Variants in BABAM2 observed in about 807,000 individuals in gnomAD.
BABAM2 encodes BRISC and BRCA1-A complex member 2.
Under a neutral mutation model 54.7 loss-of-function variants are expected in BABAM2, and 31 were observed. That is an observed-to-expected ratio of 0.57 (90% CI 0.43 to 0.77). BABAM2 has a LOEUF of 0.77. Among genes scored for constraint, BABAM2 ranks in the 30% least tolerant of loss-of-function variants. The pLI, the probability that BABAM2 is intolerant of heterozygous loss-of-function variation, is 0.00. For synonymous variants in BABAM2, 167 were observed against 162.9 expected (o/e 1.03, Z -0.19); for missense variants, 364 against 455.8 (o/e 0.80, Z 1.83).
chr2:28,169,202 C>T (rs1365748184), intron 7 of BABAM2, among the ~76,000 whole-genome samples: 1 of 152,088 alleles, frequency 6.6e-6, no homozygotes, highest in East Asian at 1.9e-4. Flanking sequence ...CTGAAACATA[C>T]TACTTTAATT....
chr2:28,324,564 A>G (rs556281830), intron 11 of BABAM2, among the ~76,000 whole-genome samples: 9 of 151,320 alleles, frequency 5.9e-5, no homozygotes, highest in Non-Finnish European at 8.9e-5. Context: ...ACTTGAGCTC[A>G]GGAGTTTGAG....
At chr2:28,114,914 G>A (rs1668478231) in intron 6 of BABAM2, among the ~76,000 whole-genome samples, 1 of 152,088 alleles carries the variant, frequency 6.6e-6, no homozygotes, top group African/African-American at 2.4e-5. Context: ...GTCTACTAAG[G>A]AAGTCTGCTT....
At chr2:28,118,538 A>G (rs1465878099) in intron 6 of BABAM2, among the ~76,000 whole-genome samples, 3 of 152,100 alleles carry the variant, frequency 2.0e-5, no homozygotes, top group African/African-American at 7.2e-5. Flanking sequence ...GTGTCTGTTC[A>G]TATCCTTTGC....
intron 6 of BABAM2, among the ~76,000 whole-genome samples, chr2:28,094,214 T>A (rs1376140869): frequency 6.6e-6 from 1 of 152,212 alleles, no homozygotes; most frequent in Non-Finnish European, 1.5e-5. Flanking sequence ...TTTAAATTCA[T>A]TATTAACATC....
At chr2:28,274,529 G>A (rs947664589) in intron 10 of BABAM2, among the ~76,000 whole-genome samples, 1 of 152,082 alleles carries the variant, frequency 6.6e-6, no homozygotes, top group African/African-American at 2.4e-5. Flanking sequence ...CTAGACTCAG[G>A]CAATCCTCCC....
chr2:27,924,873 C>T (rs1667575473), intron 2 of BABAM2, among the ~76,000 whole-genome samples: 1 of 152,116 alleles, frequency 6.6e-6, no homozygotes, highest in Admixed American at 6.5e-5. Flanking sequence ...CCTATTTATC[C>T]TAGATAATAT....
chr2:28,278,915 G>GA (rs1485984618), intron 10 of BABAM2, among the ~76,000 whole-genome samples: 1 of 152,222 alleles, frequency 6.6e-6, no homozygotes, highest in African/African-American at 2.4e-5. Context: ...TGTAGAAAAA[G>GA]AAACACTCAT....
At chr2:28,040,543 G>A (rs943087414) in intron 5 of BABAM2, among the ~76,000 whole-genome samples, 3 of 151,602 alleles carry the variant, frequency 2.0e-5, no homozygotes, top group South Asian at 4.2e-4. Context: ...CTCGTGATCC[G>A]CCCGCCTCGG....
At chr2:28,071,361 G>A (rs1046178769) in intron 6 of BABAM2, among the ~76,000 whole-genome samples, 17 of 152,192 alleles carry the variant, frequency 1.1e-4, no homozygotes, top group African/African-American at 3.6e-4. Context: ...AGATTTTGCT[G>A]ATTGCAGGCT....
intron 6 of BABAM2, among the ~76,000 whole-genome samples, chr2:28,127,224 A>G (rs1669630019): frequency 6.6e-6 from 1 of 152,196 alleles, no homozygotes; most frequent in Non-Finnish European, 1.5e-5. Flanking sequence ...TTTTTAAAAA[A>G]GAAAGAAAAC....
intron 7 of BABAM2, among the ~76,000 whole-genome samples, chr2:28,196,389 T>C (rs534571567): frequency 1.3e-5 from 2 of 152,082 alleles, no homozygotes; most frequent in Non-Finnish European, 2.9e-5. Context: ...TGTGTGTATA[T>C]GATTTGGTTA....
At chr2:28,327,151 C>CGGATCATTAAAAA in intron 11 of BABAM2, 1 of 1,027,394 alleles carries the variant, frequency 9.7e-7, no homozygotes, top group Non-Finnish European at 1.4e-6. Flanking sequence ...TGATGAACGC[C>CGGATCATTAAAAA]AGAGAAAGAA....
At chr2:27,997,395 A>G (rs1673238761) in intron 4 of BABAM2, among the ~76,000 whole-genome samples, 1 of 152,192 alleles carries the variant, frequency 6.6e-6, no homozygotes, top group Non-Finnish European at 1.5e-5. Flanking sequence ...TGTCTGTTTC[A>G]TCAGCCAGGG....
At position 28,131,079 on chromosome 2, in the gene BABAM2, A is replaced by ATTT. The variant is rs34627329; in HGVS notation, c.680+1717_680+1719dup. Among the ~76,000 whole-genome samples the ATTT allele has an allele frequency of 8.4e-4, 5 of 5,942 alleles. 2 individuals carry two copies. The highest frequency in any genetic ancestry group is 2.0e-3 in the African/African-American group (4 of 1,978). The allele number at this position is 5,942 out of a possible 152,430, so 3.9% of individuals were successfully genotyped here. On this transcript the variant is annotated intron_variant, in intron 7 of 11. Coordinates refer to ENST00000379624, the MANE Select transcript of BABAM2 (RefSeq NM_199191.3). ...TATTATTATTATTATTATTATTATT[A>ATTT]TTTTTTTTTTTTTTTTTTTTGAGAC...
At chr2:28,069,859 G>T (rs912066081) in intron 6 of BABAM2, among the ~76,000 whole-genome samples, 2 of 152,152 alleles carry the variant, frequency 1.3e-5, no homozygotes, top group Admixed American at 1.3e-4. Flanking sequence ...TTGTTACTGT[G>T]ATTGTTATAA....
chr2:28,048,988 C>T (rs1053868495), intron 6 of BABAM2, among the ~76,000 whole-genome samples: 2 of 152,104 alleles, frequency 1.3e-5, no homozygotes, highest in African/African-American at 4.8e-5. Flanking sequence ...TTTGTTTTTG[C>T]TTCTGTTTTC....
chr2:28,151,632 T>C (rs950935102), intron 7 of BABAM2, among the ~76,000 whole-genome samples: 4 of 151,668 alleles, frequency 2.6e-5, no homozygotes, highest in Non-Finnish European at 5.9e-5. Flanking sequence ...TACAGTGAAG[T>C]TTTTCTACAG....
chr2:28,014,386 A>G (rs1293456245), intron 4 of BABAM2, among the ~76,000 whole-genome samples: 1 of 152,200 alleles, frequency 6.6e-6, no homozygotes, highest in Non-Finnish European at 1.5e-5. Context: ...TTCTGGCTCC[A>G]CCAGAAGCCC....
At chr2:28,016,562 A>T in intron 4 of BABAM2, 1 of 585,528 alleles carries the variant, frequency 1.7e-6, no homozygotes, top group Non-Finnish European at 3.1e-6. Flanking sequence ...CCGCAGGTGC[A>T]TTTCTTTCTA....
Sources: gnomAD v4.1 joint callset for allele counts (sites outside exome capture counted in the v4.1 genomes callset) on GRCh38, gnomAD v4.1.1 for gene constraint, MANE v1.5 for transcripts, NCBI Gene and HGNC (gene_info 2026-07-23, HGNC 2026-07-21) for gene names.